Variants in MROH9 observed in about 807,000 individuals in gnomAD.
MROH9 encodes maestro heat-like repeat-containing protein family member 9.
A neutral mutation model predicts 98.2 loss-of-function variants in MROH9; 92 were observed. The observed-to-expected ratio is 0.94, with a 90% CI of 0.79 to 1.11. The LOEUF (loss-of-function observed/expected upper bound fraction) is 1.11, where lower values mean the gene tolerates loss of function less well. MROH9 is among the 50% of genes most tolerant of loss of function. The pLI, the probability that MROH9 is intolerant of heterozygous loss-of-function variation, is 0.00. For missense variants in MROH9, 1,057 were observed against 1,014.8 expected (o/e 1.04, Z -0.57); for synonymous variants, 397 against 368.9 (o/e 1.08, Z -0.87).
intron 20 of MROH9, among the ~76,000 whole-genome samples, chr1:171,033,473 T>G (rs1389600737): frequency 6.6e-6 from 1 of 152,170 alleles, no homozygotes; most frequent in Non-Finnish European, 1.5e-5. Context: ...GGTAGCATGC[T>G]CACTCACTGC....
chr1:171,014,341 G>A (rs553959170), intron 16 of MROH9, 87 bp downstream of exon 16: 42 of 1,276,752 alleles, frequency 3.3e-5, no homozygotes, highest in African/African-American at 3.3e-4. Context: ...CTGACAAAGC[G>A]GTGATATTTT....
At chr1:170,948,076 G>C (rs1251428648) in intron 3 of MROH9, among the ~76,000 whole-genome samples, 1 of 152,008 alleles carries the variant, frequency 6.6e-6, no homozygotes, top group African/African-American at 2.4e-5. Context: ...TGAGAGCAGA[G>C]ATTGTGATTA....
At chr1:171,009,154 A>G (rs977257286) in intron 15 of MROH9, among the ~76,000 whole-genome samples, 1 of 151,926 alleles carries the variant, frequency 6.6e-6, no homozygotes, top group Non-Finnish European at 1.5e-5. Context: ...GGTAGAATGG[A>G]TAGGGATGGA....
chr1:170,985,056 A>G (rs1037059376), intron 9 of MROH9, among the ~76,000 whole-genome samples: 8 of 152,172 alleles, frequency 5.3e-5, no homozygotes, highest in Non-Finnish European at 1.0e-4. Context: ...TGGCACTCTC[A>G]TTTTATATAG....
chr1:170,996,610 CTG>C lies in MROH9; in HGVS notation c.1445_1446del (p.Cys482LeufsTer10). The C allele has an allele frequency of 6.2e-7, 1 of 1,613,504 alleles. No homozygotes were observed. The highest frequency in any genetic ancestry group is 8.5e-7 in the Non-Finnish European group (1 of 1,179,618). On this transcript the variant is annotated frameshift_variant, in exon 14 of 22. Coordinates refer to ENST00000367759, the MANE Select transcript of MROH9 (RefSeq NM_001163629.2). LOFTEE classifies it high-confidence loss of function. ...ENFWDQLSED[L>X]CYYHGVCFIA... ...TTTCTGGGACCAGTTATCTGAAGAT[CTG>C]TGTTACTATCATGGAGTCTGCTTTA...
chr1:171,038,812 T>C (rs1653194324), intron 20 of MROH9, among the ~76,000 whole-genome samples: 1 of 152,152 alleles, frequency 6.6e-6, no homozygotes, highest in Non-Finnish European at 1.5e-5. Context: ...CTTGGAAATA[T>C]AGTTATTTAA....
At chr1:170,960,263 A>C (rs6658530) in intron 5 of MROH9, among the ~76,000 whole-genome samples, 53,135 of 152,012 alleles carry the variant, frequency 0.35, 10,158 homozygotes, top group African/African-American at 0.51. Context: ...ATGTGCCATT[A>C]TTTTCCAACT....
intron 15 of MROH9, among the ~76,000 whole-genome samples, chr1:171,013,394 G>A (rs575150050): frequency 6.6e-6 from 1 of 152,106 alleles, no homozygotes; most frequent in African/African-American, 2.4e-5. Context: ...GTGCATGCAA[G>A]GGATCTAGGT....
chr1:170,992,281 G>A lies in MROH9; in HGVS notation c.1146G>A (p.Thr382=), dbSNP rs369203487. The A allele has an allele frequency of 2.0e-5, 33 of 1,613,374 alleles. No individual in the cohort carries two copies. Among genetic ancestry groups the A allele is most frequent in the Admixed American group, 8.3e-5 (5 of 59,918 alleles). The change falls in exon 12 of 22, where the codon ACG becomes ACA. Residue 382 remains threonine (T), a synonymous_variant. Transcript: ENST00000367759. The stretch of plus-strand genomic sequence containing the variant: ...CTGGGGAAATGGAGGACACCGTAAC[G>A]GAAGGGAAACGTTTCTCTCTTGATA... The part of the protein sequence containing the change: ...GKPGEMEDTV[T]EGKRFSLDIT...
At chr1:171,007,243 A>G (rs1557895601) in intron 15 of MROH9, among the ~76,000 whole-genome samples, 1 of 152,184 alleles carries the variant, frequency 6.6e-6, no homozygotes, top group Non-Finnish European at 1.5e-5. Flanking sequence ...CACAGACTCA[A>G]GAAGGTGTGT....
In MROH9 at chr1:170,970,898, C is replaced by A. The variant is rs78905762; in HGVS notation, c.481-850C>A. ...GTTTACCATCAACAATTGCTCCAAT[C>A]ATCAAAGCCTCTACCTAGGAAAAGT... is the stretch of plus-strand genomic sequence containing the variant. On this transcript the variant is annotated intron_variant, in intron 7 of 21. Transcript: ENST00000367759. Among the ~76,000 whole-genome samples, 16 of 152,250 alleles carry A rather than the reference C, an allele frequency of 1.1e-4. No homozygotes were observed. The East Asian group carries it at 3.1e-3, about 29-fold the overall frequency.
At chr1:171,044,686 C>A (rs997219923) in intron 20 of MROH9, among the ~76,000 whole-genome samples, 1 of 151,974 alleles carries the variant, frequency 6.6e-6, no homozygotes, top group Non-Finnish European at 1.5e-5. Flanking sequence ...CTGGTTCAAT[C>A]TTGGTAGGTT....
intron 20 of MROH9, among the ~76,000 whole-genome samples, chr1:171,034,585 G>A (rs192097580): frequency 2.2e-4 from 34 of 152,282 alleles, no homozygotes; most frequent in Admixed American, 1.0e-3. Context: ...TTATGACAGT[G>A]CTATTCACAA....
At chr1:170,984,420 A>G (rs951832331) in intron 9 of MROH9, among the ~76,000 whole-genome samples, 2 of 152,184 alleles carry the variant, frequency 1.3e-5, no homozygotes, top group Admixed American at 6.5e-5. Flanking sequence ...ACATCTTTCC[A>G]AAATCAAAAG....
chr1:171,062,932 A>T (rs1654055939), intron 21 of MROH9, among the ~76,000 whole-genome samples: 1 of 151,794 alleles, frequency 6.6e-6, no homozygotes, highest in East Asian at 1.9e-4. Context: ...AGAGTAGTAC[A>T]TTTATTATAA....
intron 12 of MROH9, among the ~76,000 whole-genome samples, chr1:170,994,750 C>T (rs1651495476): frequency 6.6e-6 from 1 of 152,078 alleles, no homozygotes; most frequent in Non-Finnish European, 1.5e-5. Context: ...ATCCCACTAC[C>T]CTTTCCCAGC....
At chr1:171,001,910 T>C (rs1366531184) in intron 15 of MROH9, among the ~76,000 whole-genome samples, 2 of 152,282 alleles carry the variant, frequency 1.3e-5, no homozygotes, top group Non-Finnish European at 2.9e-5. Context: ...GTTTTATAAA[T>C]TTGGGAGCTC....
At chr1:170,970,731 T>TGTGTGTGTGTGTGTGAGAGA (rs1491154307) in intron 7 of MROH9, among the ~76,000 whole-genome samples, 2 of 90,874 alleles carry the variant, frequency 2.2e-5, no homozygotes, top group African/African-American at 8.6e-5. Flanking sequence ...TGTGTGTGTG[T>TGTGTGTGTGTGTGTGAGAGA]GAGAGAGAGA....
intron 15 of MROH9, among the ~76,000 whole-genome samples, chr1:171,005,786 G>A (rs188464312): frequency 8.0e-4 from 122 of 152,138 alleles, no homozygotes; most frequent in African/African-American, 2.8e-3. Flanking sequence ...GTCTGTCCAG[G>A]ACTTAAAGTA....
Sources: allele counts gnomAD v4.1 joint callset (sites outside exome capture counted in the v4.1 genomes callset), GRCh38; gene constraint gnomAD v4.1.1; transcripts MANE v1.5; gene names NCBI Gene and HGNC (gene_info 2026-07-23, HGNC 2026-07-21).